PHLPP2: variants seen among roughly 807,000 people sequenced by gnomAD.
PHLPP2 encodes the protein PH domain and leucine rich repeat protein phosphatase 2.
In PHLPP2, 66 loss-of-function variants were observed where a neutral mutation model predicts 124.9. The ratio of observed to expected loss-of-function variants is 0.53; its 90% CI spans 0.43 to 0.65. The LOEUF (loss-of-function observed/expected upper bound fraction) is 0.65, where lower values mean the gene tolerates loss of function less well. Ranked by LOEUF, PHLPP2 falls within the 30% of genes least tolerant of loss-of-function variation. PHLPP2 has a pLI of 0.00. For synonymous variants in PHLPP2, 681 were observed against 624.7 expected (o/e 1.09, Z -1.34); for missense variants, 1,685 against 1,600.4 (o/e 1.05, Z -0.90).
At chr16:71,682,012 GA>G in intron 5 of PHLPP2, 107 bp from the exon 6 acceptor site, 1 of 644,172 alleles carries the variant, frequency 1.6e-6, no homozygotes, top group Non-Finnish European at 2.4e-6. Flanking sequence ...AAAAAGATAG[GA>G]AAAAAAAGGC....
At chr16:71,683,415 T>C (rs2045022431) in intron 5 of PHLPP2, among the ~76,000 whole-genome samples, 1 of 152,190 alleles carries the variant, frequency 6.6e-6, no homozygotes, top group South Asian at 2.1e-4. Context: ...TAACTGCACA[T>C]TTGAAGTAAT....
At position 71,649,315 on chromosome 16, in the gene PHLPP2, G is replaced by T; in HGVS notation, c.3547C>A (p.Pro1183Thr). The change falls in exon 19 of 19, where the codon CCC becomes ACC. Residue 1183 changes from proline to threonine, a missense_variant. By Grantham distance (38) the Pro-to-Thr change is conservative (BLOSUM62 -1). Coordinates refer to ENST00000568954, the MANE Select transcript of PHLPP2 (RefSeq NM_015020.3). Reference sequence around the variant, plus strand: ...GTAGGAGAACTCTCTATGAGAGGGGGTGAGTTCTCCAGATCCCTCCCCCTG... The same window carrying T: ...GTAGGAGAACTCTCTATGAGAGGGGTTGAGTTCTCCAGATCCCTCCCCCTG... ...CCRGRDLENS[P>T]PLIESSPTLC... The T allele has an allele frequency of 6.2e-7, 1 of 1,613,914 alleles. No homozygotes were observed. The highest frequency in any genetic ancestry group is 8.5e-7 in the Non-Finnish European group (1 of 1,179,860).
At chr16:71,692,901 G>C (rs2045129721) in intron 3 of PHLPP2, among the ~76,000 whole-genome samples, 1 of 151,930 alleles carries the variant, frequency 6.6e-6, no homozygotes, top group African/African-American at 2.4e-5. Flanking sequence ...ACCTTCCTCA[G>C]AGAGTTTGGT....
rs1007851237 is a variant in PHLPP2, at chr16:71,686,506, C to T, written c.610-1905G>A. 7.2e-5 allele frequency among the ~76,000 whole-genome samples: 11 copies of T among 152,052 alleles called. No individual in the cohort carries two copies. The South Asian group carries it at 2.3e-3, about 32-fold the overall frequency. ...GATTTTTTTTTAATTCACTAAGTAA[C>T]CAATTTCATGAGTTTTTATAAATGA... On this transcript the variant is annotated intron_variant, in intron 4 of 18. Coordinates refer to ENST00000568954, the MANE Select transcript of PHLPP2 (RefSeq NM_015020.3).
chr16:71,723,534 G>A (rs1450284799), intron 1 of PHLPP2: 1 of 182,082 alleles, frequency 5.5e-6, no homozygotes, highest in Non-Finnish European at 1.1e-5. Flanking sequence ...GGCCAGGGAT[G>A]GGCAGCAGCG....
At chr16:71,678,716 A>C (rs755993076) in intron 8 of PHLPP2, 39 bp downstream of exon 8, 24 of 1,003,816 alleles carry the variant, frequency 2.4e-5, no homozygotes, top group Admixed American at 3.5e-5. Flanking sequence ...GGTCCACCAG[A>C]GTCAATTTAA....
chr16:71,715,837 A>C lies in PHLPP2; in HGVS notation c.-6-1036T>G, dbSNP rs867100513. 5.8e-3 allele frequency among the ~76,000 whole-genome samples: 868 copies of C among 150,208 alleles called. 6 individuals are homozygous for C. The highest frequency in any genetic ancestry group is 0.014 in the Middle Eastern group (4 of 284). On this transcript the variant is annotated intron_variant, in intron 1 of 18. Coordinates refer to ENST00000568954, the MANE Select transcript of PHLPP2 (RefSeq NM_015020.3). ...CACTAAAAATACAAAAAAAAAAAAA[A>C]AACAAAAAATTAGCCGAGTGTGGTG... is the stretch of plus-strand genomic sequence containing the variant.
intron 12 of PHLPP2, chr16:71,666,143 A>C (rs192310733): frequency 2.0e-5 from 3 of 152,344 alleles, no homozygotes; most frequent in Non-Finnish European, 4.4e-5. Flanking sequence ...AGAGAAGATT[A>C]GCATGGACCC....
intron 13 of PHLPP2, among the ~76,000 whole-genome samples, chr16:71,660,337 C>G (rs958952932): frequency 7.7e-6 from 1 of 129,128 alleles, no homozygotes; most frequent in Non-Finnish European, 1.5e-5. Flanking sequence ...TACTGCACCA[C>G]TGCACACCAG....
intron 5 of PHLPP2, among the ~76,000 whole-genome samples, chr16:71,684,224 C>T (rs2045031459): frequency 6.7e-6 from 1 of 148,520 alleles, no homozygotes; most frequent in African/African-American, 2.5e-5. Context: ...CTCCCGGATT[C>T]AAGCGATTCG....
At chr16:71,692,460 A>G (rs1281605515) in intron 3 of PHLPP2, among the ~76,000 whole-genome samples, 1 of 152,122 alleles carries the variant, frequency 6.6e-6, no homozygotes, top group Non-Finnish European at 1.5e-5. Context: ...TGCCTATTTA[A>G]CCATGTGTTT....
At chr16:71,711,588 A>T (rs4444347) in intron 2 of PHLPP2, among the ~76,000 whole-genome samples, 82,992 of 151,990 alleles carry the variant, frequency 0.55, 23,566 homozygotes, top group Middle Eastern at 0.69. Context: ...TGAAACTTTA[A>T]TTTCCTCATT....
chr16:71,721,421 C>A (rs1011990829), intron 1 of PHLPP2, among the ~76,000 whole-genome samples: 1 of 152,030 alleles, frequency 6.6e-6, no homozygotes, highest in Non-Finnish European at 1.5e-5. Flanking sequence ...AGTTTGAGAT[C>A]AACATAGCAA....
chr16:71,710,650 T>C (rs899753508), intron 2 of PHLPP2, among the ~76,000 whole-genome samples: 1 of 152,232 alleles, frequency 6.6e-6, no homozygotes, highest in Non-Finnish European at 1.5e-5. Context: ...AGGAGCTTAA[T>C]TGAAATGTAC....
chr16:71,659,134 T>C (rs1006064377), intron 13 of PHLPP2, among the ~76,000 whole-genome samples: 1 of 152,142 alleles, frequency 6.6e-6, no homozygotes, highest in Non-Finnish European at 1.5e-5. Flanking sequence ...TTAGTCTTGA[T>C]GCTTGCTTTA....
intron 3 of PHLPP2, among the ~76,000 whole-genome samples, chr16:71,701,484 C>A (rs1264645708): frequency 6.6e-6 from 1 of 152,088 alleles, no homozygotes; most frequent in African/African-American, 2.4e-5. Context: ...GGAAAGATCC[C>A]TCAAAATTTA....
intron 3 of PHLPP2, among the ~76,000 whole-genome samples, chr16:71,691,211 TG>T (rs1157047135): frequency 1.3e-4 from 20 of 152,054 alleles, no homozygotes; most frequent in African/African-American, 2.4e-4. Flanking sequence ...CCCAGCACTT[TG>T]GGGGGGCCAA....
At chr16:71,661,797 A>G (rs2044793260) in intron 13 of PHLPP2, among the ~76,000 whole-genome samples, 1 of 152,058 alleles carries the variant, frequency 6.6e-6, no homozygotes, top group South Asian at 2.1e-4. Flanking sequence ...CAACACAGCG[A>G]GATCCCACCT....
chr16:71,703,599 CCAAA>C (rs2045251220), intron 2 of PHLPP2, among the ~76,000 whole-genome samples: 1 of 152,100 alleles, frequency 6.6e-6, no homozygotes, highest in African/African-American at 2.4e-5. Flanking sequence ...TTACCAGAAA[CCAAA>C]CAGTTATAAA....
Sources: gnomAD v4.1 joint callset for allele counts (sites outside exome capture counted in the v4.1 genomes callset) on GRCh38, gnomAD v4.1.1 for gene constraint, MANE v1.5 for transcripts, NCBI Gene and HGNC (gene_info 2026-07-23, HGNC 2026-07-21) for gene names.